The following TBC1D12 variants were observed in gnomAD, a reference collection of about 807,000 sequenced individuals.
TBC1D12 encodes TBC1 domain family, member 12.
A neutral mutation model predicts 86.7 loss-of-function variants in TBC1D12; 56 were observed. That is an observed-to-expected ratio of 0.65 (90% CI 0.52 to 0.81). The LOEUF (loss-of-function observed/expected upper bound fraction) is 0.81, where lower values mean the gene tolerates loss of function less well. TBC1D12 is among the 30% of genes least tolerant of loss of function. The pLI is 0.00. For missense variants in TBC1D12, 1,023 were observed against 1,038.8 expected, an observed-to-expected ratio of 0.98 and a Z score of 0.21; for synonymous variants, 421 against 411.7, an observed-to-expected ratio of 1.02 and a Z score of -0.27.
At chr10:94,450,262 A>G (rs942979713) in intron 2 of TBC1D12, among the ~76,000 whole-genome samples, 1 of 152,114 alleles carries the variant, frequency 6.6e-6, no homozygotes, top group Non-Finnish European at 1.5e-5. Context: ...ATGTAACTAT[A>G]ATATTGTGTT....
intron 9 of TBC1D12, among the ~76,000 whole-genome samples, chr10:94,520,583 TGAGAAAATA>T (rs1842124220): frequency 6.6e-6 from 1 of 151,632 alleles, no homozygotes; most frequent in African/African-American, 2.4e-5. Flanking sequence ...AAAAGGGAGC[TGAGAAAATA>T]GAGATAGTGA....
chr10:94,501,709 G>A (rs1405803215), intron 6 of TBC1D12, among the ~76,000 whole-genome samples: 1 of 151,456 alleles, frequency 6.6e-6, no homozygotes, highest in Admixed American at 6.6e-5. Context: ...ACCACGCCTG[G>A]CTAATTTTTT....
intron 3 of TBC1D12, among the ~76,000 whole-genome samples, chr10:94,479,262 A>T (rs1408174514): frequency 1.3e-5 from 2 of 152,194 alleles, no homozygotes; most frequent in African/African-American, 4.8e-5. Flanking sequence ...AATATTACCC[A>T]GAGTACAATA....
At chr10:94,456,380 A>G (rs1268100706) in intron 2 of TBC1D12, among the ~76,000 whole-genome samples, 2 of 152,188 alleles carry the variant, frequency 1.3e-5, no homozygotes, top group Non-Finnish European at 2.9e-5. Context: ...TCATTTTCAT[A>G]TAGTTAAAAA....
rs779184123 is a variant in TBC1D12 at position 94,402,993 on chromosome 10, C to A, written c.380C>A (p.Ala127Glu). 1.3e-6 allele frequency: 2 copies of A among 1,574,962 alleles called. No homozygotes were observed. Among genetic ancestry groups the A allele is most frequent in the South Asian group, 1.2e-5 (1 of 86,776 alleles). Reference protein sequence around the residue: ...HRGAEVADGRAPRHEGMTNGD... With the variant: ...HRGAEVADGREPRHEGMTNGD... The stretch of plus-strand genomic sequence containing the variant: ...GGCGCGGAGGTGGCTGATGGCCGCG[C>A]GCCGCGGCACGAAGGCATGACCAAC... The change falls in exon 1 of 13, where the codon GCG becomes GAG. Residue 127 changes from alanine to glutamate, a missense_variant. Physicochemically the swap from Ala to Glu is moderately radical, Grantham distance 107 (BLOSUM62 -1). Coordinates refer to ENST00000225235, the MANE Select transcript of TBC1D12 (RefSeq NM_015188.2).
intron 8 of TBC1D12, among the ~76,000 whole-genome samples, chr10:94,511,062 T>TTTG (rs886728087): frequency 2.9e-4 from 44 of 152,048 alleles, no homozygotes; most frequent in African/African-American, 8.9e-4. Flanking sequence ...TATTTGGCTT[T>TTTG]TTGTTGTTGT....
At chr10:94,439,001 G>A (rs1300370848) in intron 1 of TBC1D12, among the ~76,000 whole-genome samples, 2 of 151,640 alleles carry the variant, frequency 1.3e-5, no homozygotes, top group Non-Finnish European at 2.9e-5. Flanking sequence ...ACAGGGTTTC[G>A]CCATGTTGCC....
intron 2 of TBC1D12, among the ~76,000 whole-genome samples, chr10:94,470,273 A>T (rs1026517742): frequency 6.6e-6 from 1 of 152,130 alleles, no homozygotes; most frequent in Non-Finnish European, 1.5e-5. Context: ...AACCTGTTTG[A>T]GTTGGGTTTT....
chr10:94,467,258 G>A (rs1392468497), intron 2 of TBC1D12, among the ~76,000 whole-genome samples: 2 of 152,088 alleles, frequency 1.3e-5, no homozygotes, highest in African/African-American at 4.8e-5. Context: ...TTAAGACAGA[G>A]TTTCGCTGTT....
rs769813711 is a variant in TBC1D12 at position 94,442,036 on chromosome 10, C to A, written c.1095+17C>A. 6.3e-7 allele frequency: 1 copy of A among 1,592,860 alleles called. No individual in the cohort carries two copies. The highest frequency in any genetic ancestry group is 8.5e-7 in the Non-Finnish European group (1 of 1,173,040). ...ATTCAGCAGGTAAGTACTGACATAG[C>A]CATGTAGTTTACCCTAGCTTTTCAA... is the stretch of plus-strand genomic sequence containing the variant. On this transcript the variant is annotated intron_variant, in intron 2 of 12. Transcript: ENST00000225235.
intron 1 of TBC1D12, among the ~76,000 whole-genome samples, chr10:94,422,185 G>GTTTT (rs57798611): frequency 2.0e-4 from 21 of 106,800 alleles, no homozygotes; most frequent in Admixed American, 4.0e-4. Context: ...GGTTCATGTA[G>GTTTT]TTTTTTTTTT....
In TBC1D12 at chr10:94,534,067, G is replaced by T. The variant is rs1411998937; in HGVS notation, c.*971G>T. 6.6e-6 allele frequency: 1 copy of T among 152,154 alleles called. No homozygotes were observed. The highest frequency in any genetic ancestry group is 1.5e-5 in the Non-Finnish European group (1 of 68,008). The allele number at this position is 152,154 out of a possible 1,614,324, so 9.4% of individuals were successfully genotyped here. On this transcript the variant is annotated 3_prime_UTR_variant, in exon 13 of 13. Transcript: ENST00000225235. The stretch of plus-strand genomic sequence containing the variant: ...TAATATGTAGCTAAATCTGTGACTT[G>T]TAAAACTCTATGCATAATTTTTCCT...
In TBC1D12 at chr10:94,497,145, A is replaced by G. The variant is rs577142485; in HGVS notation, c.1385A>G (p.Asn462Ser). ...GCAAGTGCAATGGTAATTTGGATCA[A>G]TGAAATACTGCCCAATTGGGAAGTA... ...NIASAMVIWINEILPNWEVMR... is the reference protein window; with the variant it reads ...NIASAMVIWISEILPNWEVMR... Residue 462 changes from asparagine to serine, a missense_variant, in exon 5 of 13, where the codon AAT becomes AGT. By Grantham distance (46) the Asn-to-Ser change is conservative. Around this residue, in one of 2 missense-constraint regions of TBC1D12, gnomAD observed 395 missense variants for 507.7 expected, o/e 0.78. Transcript: ENST00000225235. The G allele has an allele frequency of 8.4e-6, 13 of 1,556,778 alleles. No individual in the cohort carries two copies. The African/African-American group carries it at 9.9e-5, about 12-fold the overall frequency.
intron 3 of TBC1D12, among the ~76,000 whole-genome samples, chr10:94,484,102 G>T (rs1240213586): frequency 6.6e-6 from 1 of 152,050 alleles, no homozygotes; most frequent in African/African-American, 2.4e-5. Flanking sequence ...TAGATATATG[G>T]ATTTGTTTCT....
intron 1 of TBC1D12, among the ~76,000 whole-genome samples, chr10:94,436,526 A>G (rs1041409082): frequency 6.6e-6 from 1 of 152,176 alleles, no homozygotes; most frequent in Non-Finnish European, 1.5e-5. Context: ...TGAAATTGAT[A>G]GATAAGTTTG....
chr10:94,527,439 T>C (rs1169533809), intron 11 of TBC1D12, among the ~76,000 whole-genome samples: 1 of 151,590 alleles, frequency 6.6e-6, no homozygotes, highest in South Asian at 2.1e-4. Flanking sequence ...TCCTCATAGA[T>C]TTTGCCTATT....
intron 3 of TBC1D12, among the ~76,000 whole-genome samples, chr10:94,477,060 T>G (rs1484547123): frequency 6.6e-6 from 1 of 152,210 alleles, no homozygotes; most frequent in African/African-American, 2.4e-5. Context: ...AAGAACTCAG[T>G]GTACAAAAAT....
At chr10:94,476,025 G>A (rs2055982819) in intron 3 of TBC1D12, among the ~76,000 whole-genome samples, 2 of 151,700 alleles carry the variant, frequency 1.3e-5, no homozygotes, top group African/African-American at 2.4e-5. Flanking sequence ...CTGCAGCCTC[G>A]AACTCCTGGC....
intron 11 of TBC1D12, among the ~76,000 whole-genome samples, chr10:94,529,255 A>T (rs1422531352): frequency 6.6e-6 from 1 of 152,144 alleles, no homozygotes; most frequent in Non-Finnish European, 1.5e-5. Flanking sequence ...CGATCCTCCC[A>T]CATTGGCCTC....
Sources: gnomAD v4.1 joint callset for allele counts (sites outside exome capture counted in the v4.1 genomes callset) on GRCh38, gnomAD v4.1.1 for gene constraint, gnomAD v4.1.1 regional missense constraint, MANE v1.5 for transcripts, NCBI Gene and HGNC (gene_info 2026-07-23, HGNC 2026-07-21) for gene names.